The following SMYD2 variants were observed in gnomAD, a reference collection of about 807,000 sequenced individuals.
SMYD2 encodes the protein SET and MYND domain containing 2, also known as N-lysine methyltransferase SMYD2.
In SMYD2, 53 loss-of-function variants were observed where a neutral mutation model predicts 59.1. That is an observed-to-expected ratio of 0.90 (90% confidence interval 0.72 to 1.13). SMYD2 has a LOEUF of 1.13. SMYD2 is among the 50% of genes most tolerant of loss of function. The pLI, the probability that SMYD2 is intolerant of heterozygous loss-of-function variation, is 0.00. For synonymous variants in SMYD2, 208 were observed against 198.8 expected, an observed-to-expected ratio of 1.05 and a Z score of -0.39; for missense variants, 494 against 544.7, an observed-to-expected ratio of 0.91 and a Z score of 0.93.
intron 7 of SMYD2, 86 bp downstream of exon 7, chr1:214,327,810 T>C: frequency 8.6e-7 from 1 of 1,160,930 alleles, no homozygotes; most frequent in South Asian, 1.3e-5. Context: ...GCAGTGTCAC[T>C]TGACAGTATG....
intron 2 of SMYD2, among the ~76,000 whole-genome samples, chr1:214,310,315 A>G (rs1316176180): frequency 6.6e-6 from 1 of 152,236 alleles, no homozygotes; most frequent in Non-Finnish European, 1.5e-5. Flanking sequence ...AAAGAGGACC[A>G]TCAGTATGAA....
At chr1:214,336,074 A>T (rs942605245) in intron 11 of SMYD2, among the ~76,000 whole-genome samples, 2 of 152,216 alleles carry the variant, frequency 1.3e-5, no homozygotes, top group Admixed American at 6.5e-5. Flanking sequence ...CAAAAAAATT[A>T]GTCCTTAAAG....
At chr1:214,290,815 C>A (rs980686329) in intron 1 of SMYD2, among the ~76,000 whole-genome samples, 2 of 152,138 alleles carry the variant, frequency 1.3e-5, no homozygotes, top group Non-Finnish European at 2.9e-5. Flanking sequence ...AATCTGTGTT[C>A]TGTTTAATCT....
chr1:214,311,225 T>C (rs576586772), intron 2 of SMYD2, among the ~76,000 whole-genome samples: 2 of 152,324 alleles, frequency 1.3e-5, no homozygotes, highest in South Asian at 4.1e-4. Context: ...AATGAATGAA[T>C]GAATGAGCAA....
chr1:214,308,218 A>G (rs1222312128), intron 2 of SMYD2, among the ~76,000 whole-genome samples: 1 of 152,228 alleles, frequency 6.6e-6, no homozygotes, highest in Non-Finnish European at 1.5e-5. Context: ...TCTTGTTTCT[A>G]GAGGTGGCAG....
Position 214,281,265 on chromosome 1 carries a change from A to C in SMYD2, c.11A>C (p.Glu4Ala), listed in dbSNP as rs1656435714. 6 of 1,265,728 alleles carry C rather than the reference A, an allele frequency of 4.7e-6. No homozygotes were observed. The highest frequency in any genetic ancestry group is 6.4e-5 in the East Asian group (2 of 31,432). The allele number at this position is 1,265,728 out of a possible 1,614,324, so 78.4% of individuals were successfully genotyped here. Residue 4 changes from glutamate (E) to alanine (A), a missense_variant, in exon 1 of 12, where the codon GAG (glutamate) becomes GCG (alanine). Coordinates refer to ENST00000366957, the MANE Select transcript of SMYD2 (RefSeq NM_020197.3). ...CGCCCCGCCGCCACCATGAGGGCCG[A>C]GGGCCTCGGCGGCCTGGAGCGCTTC... MRA[E>A]GLGGLERFCS...
At chr1:214,294,419 A>G (rs2361231) in intron 1 of SMYD2, among the ~76,000 whole-genome samples, 97,404 of 151,614 alleles carry the variant, frequency 0.64, 31,911 homozygotes, top group African/African-American at 0.73. Flanking sequence ...TATATTCCCA[A>G]CACTTTGGGA....
At chr1:214,328,408 T>C (rs6540823) in intron 7 of SMYD2, among the ~76,000 whole-genome samples, 152,284 of 152,286 alleles carry the variant, frequency 1, 76,141 homozygotes, top group Middle Eastern at 1. Context: ...AGAGAACCAG[T>C]CTTCCCATCA....
chr1:214,320,819 T>G (rs1657161359), intron 5 of SMYD2, among the ~76,000 whole-genome samples: 1 of 152,204 alleles, frequency 6.6e-6, no homozygotes, highest in Admixed American at 6.5e-5. Context: ...AGTGTTAAGG[T>G]AGAAGGAATA....
intron 2 of SMYD2, among the ~76,000 whole-genome samples, chr1:214,310,503 AT>A (rs10699247): frequency 0.015 from 2,100 of 136,368 alleles, 20 homozygotes; most frequent in African/African-American, 0.028. Context: ...TATTTTATTA[AT>A]TTTTTTTTTT....
At chr1:214,328,818 G>A (rs1441710943) in intron 7 of SMYD2, among the ~76,000 whole-genome samples, 1 of 152,170 alleles carries the variant, frequency 6.6e-6, no homozygotes, top group Non-Finnish European at 1.5e-5. Flanking sequence ...CCTTTCGGCT[G>A]GGGTGTCTGA....
intron 3 of SMYD2, 88 bp downstream of exon 3, chr1:214,314,960 T>C: frequency 1.0e-6 from 1 of 991,980 alleles, no homozygotes. Context: ...TTGGTAACCA[T>C]CTCTCGTTAA....
chr1:214,292,448 C>A (rs7519743), intron 1 of SMYD2, among the ~76,000 whole-genome samples: 11,485 of 152,178 alleles, frequency 0.075, 492 homozygotes, highest in South Asian at 0.2. Flanking sequence ...GTCTTTGCTC[C>A]CACAGCACCT....
rs34259050 is a variant in SMYD2, at chr1:214,334,237, A to T, written c.1150A>T (p.Met384Leu). 2.0e-5 allele frequency: 33 copies of T among 1,613,980 alleles called. No homozygotes were observed. In the Middle Eastern group the frequency reaches 1.0e-3, roughly 49 times the overall value. Residue 384 changes from methionine (M) to leucine (L), a missense_variant, in exon 11 of 12, where the codon ATG (methionine) becomes TTG (leucine). By Grantham distance (15) the Met-to-Leu change is conservative. Coordinates refer to ENST00000366957, the MANE Select transcript of SMYD2 (RefSeq NM_020197.3). Reference protein sequence around the residue: ...YPLYSLNVASMWLKLGRLYMG... With the variant: ...YPLYSLNVASLWLKLGRLYMG... ...TTTGTACTCCCTCAACGTGGCCTCC[A>T]TGTGGTTGAAGCTAGGGAGACTCTA...
intron 2 of SMYD2, among the ~76,000 whole-genome samples, chr1:214,310,647 A>G (rs1187228577): frequency 4.6e-5 from 7 of 152,124 alleles, no homozygotes; most frequent in Non-Finnish European, 1.0e-4. Context: ...AAAAAGCATA[A>G]AGAGTTGCAA....
intron 2 of SMYD2, among the ~76,000 whole-genome samples, chr1:214,306,006 T>C (rs578182508): frequency 1.6e-4 from 24 of 152,364 alleles, no homozygotes; most frequent in Admixed American, 8.5e-4. Context: ...GAACCTGTTA[T>C]AGTCTTTAAT....
At chr1:214,296,110 C>G (rs73090380) in intron 1 of SMYD2, among the ~76,000 whole-genome samples, 1 of 152,220 alleles carries the variant, frequency 6.6e-6, no homozygotes, top group Admixed American at 6.5e-5. Context: ...GTGAAACCCA[C>G]TAAGCATTCA....
intron 1 of SMYD2, among the ~76,000 whole-genome samples, chr1:214,293,955 C>A (rs1656680498): frequency 6.6e-6 from 1 of 151,366 alleles, no homozygotes. Flanking sequence ...GGATTACAGG[C>A]ATGAGCCACC....
At chr1:214,311,222 G>C (rs1250644701) in intron 2 of SMYD2, among the ~76,000 whole-genome samples, 1 of 152,204 alleles carries the variant, frequency 6.6e-6, no homozygotes, top group African/African-American at 2.4e-5. Flanking sequence ...ATGAATGAAT[G>C]AATGAATGAG....
Sources: gnomAD v4.1 joint callset for allele counts (sites outside exome capture counted in the v4.1 genomes callset) on GRCh38, gnomAD v4.1.1 for gene constraint, MANE v1.5 for transcripts, NCBI Gene and HGNC (gene_info 2026-07-23, HGNC 2026-07-21) for gene names.